FSIP1: variants seen among roughly 807,000 people sequenced by gnomAD.
FSIP1 encodes the protein fibrous sheath interacting protein 1, also known as fibrous sheath-interacting protein 1.
FSIP1 carries 65 observed loss-of-function variants against 60.9 expected under a neutral mutation model. That is an observed-to-expected ratio of 1.07 (90% CI 0.87 to 1.31). The LOEUF is 1.31. Ranked by LOEUF, FSIP1 falls within the 40% of genes most tolerant of loss-of-function variation. The pLI is 0.00. For synonymous variants in FSIP1, 209 were observed against 221.2 expected (o/e 0.94, Z 0.49); for missense variants, 675 against 665.5 (o/e 1.01, Z -0.16).
rs142802612 is a variant in FSIP1 at position 39,750,334 on chromosome 15, C to G, written c.560-8434G>C. 5.4e-3 allele frequency among the ~76,000 whole-genome samples: 822 copies of G among 151,920 alleles called. 5 individuals are homozygous for G. Among genetic ancestry groups the G allele is most frequent in the African/African-American group, 0.019 (768 of 41,500 alleles). On this transcript the variant is annotated intron_variant, in intron 5 of 11. Transcript: ENST00000350221. ...CACAAAAGACCCCAAATGGCCAAAG[C>G]AATTCTGAAAAAGAAAAACTAAAGT...
chr15:39,626,660 T>C (rs880270), intron 10 of FSIP1, among the ~76,000 whole-genome samples: 24,512 of 152,102 alleles, frequency 0.16, 2,187 homozygotes, highest in African/African-American at 0.21. Flanking sequence ...AGTGACAGTT[T>C]CCCCCGTGTG....
chr15:39,611,796 T>C (rs1484066816), intron 11 of FSIP1, among the ~76,000 whole-genome samples: 1 of 152,052 alleles, frequency 6.6e-6, no homozygotes, highest in Non-Finnish European at 1.5e-5. Context: ...AGTAAGAAAA[T>C]ACATGGACAA....
chr15:39,649,181 G>T (rs909515234), intron 10 of FSIP1, among the ~76,000 whole-genome samples: 23 of 152,112 alleles, frequency 1.5e-4, no homozygotes, highest in African/African-American at 5.3e-4. Flanking sequence ...AGATGTATAA[G>T]GATAAATTAT....
intron 10 of FSIP1, among the ~76,000 whole-genome samples, chr15:39,623,333 T>C (rs1412946090): frequency 6.6e-6 from 1 of 152,188 alleles, no homozygotes; most frequent in African/African-American, 2.4e-5. Context: ...AGAAGCAATC[T>C]TGTCCTTTGA....
intron 10 of FSIP1, among the ~76,000 whole-genome samples, chr15:39,649,322 T>G (rs1892767805): frequency 6.6e-6 from 1 of 152,240 alleles, no homozygotes; most frequent in African/African-American, 2.4e-5. Context: ...TTTCACATCC[T>G]GCAAGCATAA....
chr15:39,614,821 T>C (rs1891166522), intron 11 of FSIP1, among the ~76,000 whole-genome samples: 1 of 152,142 alleles, frequency 6.6e-6, no homozygotes, highest in East Asian at 1.9e-4. Context: ...GGAACCACAA[T>C]AGACCCTGAA....
At chr15:39,636,007 C>A (rs1892122595) in intron 10 of FSIP1, among the ~76,000 whole-genome samples, 1 of 152,062 alleles carries the variant, frequency 6.6e-6, no homozygotes, top group South Asian at 2.1e-4. Context: ...CTCATCAGGA[C>A]CCTCTCAAGG....
chr15:39,620,595 T>C (rs1463254236), intron 10 of FSIP1, among the ~76,000 whole-genome samples: 3 of 151,502 alleles, frequency 2.0e-5, no homozygotes, highest in Non-Finnish European at 4.4e-5. Flanking sequence ...AATTTAAATG[T>C]ATTCTTTTTT....
chr15:39,634,633 T>C (rs1331645170), intron 10 of FSIP1, among the ~76,000 whole-genome samples: 1 of 152,234 alleles, frequency 6.6e-6, no homozygotes, highest in Non-Finnish European at 1.5e-5. Flanking sequence ...TCTCAAACCA[T>C]TTTCCCCTTT....
chr15:39,636,194 C>T lies in FSIP1; in HGVS notation c.1189-17949G>A, dbSNP rs565327459. Among the ~76,000 whole-genome samples the T allele has an allele frequency of 5.9e-5, 9 of 152,280 alleles. No individual in the cohort carries two copies. In the South Asian group the frequency reaches 1.7e-3, roughly 28 times the overall value. ...TCAAGAAAACATAAATAGATCAATG[C>T]CATCTATTTATGCTAGTACACTGAA... On this transcript the variant is annotated intron_variant, in intron 10 of 11. Coordinates refer to ENST00000350221, the MANE Select transcript of FSIP1 (RefSeq NM_152597.5).
Position 39,616,923 on chromosome 15 carries a change from A to C in FSIP1, c.1699+812T>G, listed in dbSNP as rs376829418. Among the ~76,000 whole-genome samples, 42 of 152,308 alleles carry C rather than the reference A, an allele frequency of 2.8e-4. No homozygotes were observed. The East Asian group carries it at 7.3e-3, about 27-fold the overall frequency. On this transcript the variant is annotated intron_variant, in intron 11 of 11. Transcript: ENST00000350221. ...GAGAGACACCGCAGGAATAGAACAA[A>C]CAACACCTGAACACTGGAAGTGGGA...
intron 10 of FSIP1, among the ~76,000 whole-genome samples, chr15:39,690,560 G>A (rs539047441): frequency 3.3e-5 from 5 of 152,240 alleles, no homozygotes; most frequent in African/African-American, 1.2e-4. Context: ...ACCCCAAATT[G>A]TTGAAAAATG....
In FSIP1 at chr15:39,659,365, AC is replaced by A. The variant is rs1320819221; in HGVS notation, c.1189-41121del. ...AGACCATCCTGGCTAACATGGTGAA[AC>A]CCCGTCTCTACTAAAAATACGAAAA... is the stretch of plus-strand genomic sequence containing the variant. On this transcript the variant is annotated intron_variant, in intron 10 of 11. Transcript: ENST00000350221. 2.0e-5 allele frequency among the ~76,000 whole-genome samples: 3 copies of A among 151,896 alleles called. No homozygotes were observed. The East Asian group carries it at 5.8e-4, about 29-fold the overall frequency.
At chr15:39,702,411 C>T (rs541024835) in intron 10 of FSIP1, among the ~76,000 whole-genome samples, 1 of 11,568 alleles carries the variant, frequency 8.6e-5, no homozygotes, top group African/African-American at 2.1e-4. Flanking sequence ...TCTGCCAGCT[C>T]AGCCATGCTT....
intron 3 of FSIP1, among the ~76,000 whole-genome samples, chr15:39,766,654 C>G (rs1009921676): frequency 6.6e-6 from 1 of 152,152 alleles, no homozygotes; most frequent in East Asian, 1.9e-4. Flanking sequence ...AATATTCTCT[C>G]CATTTAAATC....
intron 10 of FSIP1, among the ~76,000 whole-genome samples, chr15:39,620,791 A>C (rs1891414327): frequency 6.7e-6 from 1 of 149,786 alleles, no homozygotes; most frequent in African/African-American, 2.4e-5. Context: ...TTTTTAGTGG[A>C]GACAGGGTTT....
chr15:39,674,460 G>A (rs919523262), intron 10 of FSIP1, among the ~76,000 whole-genome samples: 3 of 152,036 alleles, frequency 2.0e-5, no homozygotes, highest in South Asian at 2.1e-4. Context: ...TTTTGAAAAC[G>A]AAAAGCAAGG....
chr15:39,720,742 C>G (rs1389495002), intron 9 of FSIP1, among the ~76,000 whole-genome samples: 2 of 150,550 alleles, frequency 1.3e-5, no homozygotes, highest in Non-Finnish European at 2.9e-5. Flanking sequence ...GAACATCACT[C>G]AGTTTTATGG....
chr15:39,631,942 T>C (rs1891908391), intron 10 of FSIP1, among the ~76,000 whole-genome samples: 2 of 152,176 alleles, frequency 1.3e-5, no homozygotes, highest in African/African-American at 4.8e-5. Flanking sequence ...TCTAATCATG[T>C]CATGTTAATA....
Sources: gnomAD v4.1 joint callset for allele counts (sites outside exome capture counted in the v4.1 genomes callset) on GRCh38, gnomAD v4.1.1 for gene constraint, MANE v1.5 for transcripts, NCBI Gene and HGNC (gene_info 2026-07-23, HGNC 2026-07-21) for gene names.